Variants in DCAF1 observed in about 807,000 individuals in gnomAD.
The protein encoded by DCAF1 is DDB1 and CUL4 associated factor 1.
A neutral mutation model predicts 128.0 loss-of-function variants in DCAF1; 15 were observed. The observed-to-expected ratio is 0.12, with a 90% CI of 0.08 to 0.18. DCAF1 has a LOEUF of 0.18. DCAF1 is among the 10% of genes least tolerant of loss of function. The probability of loss-of-function intolerance (pLI) is 1.00; values close to 1 mark genes in which losing one functional copy is unlikely to be tolerated. For synonymous variants in DCAF1, 610 were observed against 603.0 expected, an observed-to-expected ratio of 1.01 and a Z score of -0.17; for missense variants, 988 against 1,649.5, an observed-to-expected ratio of 0.60 and a Z score of 6.95.
chr3:51,473,425 CTTTTTTT>C (rs782196520), intron 3 of DCAF1, among the ~76,000 whole-genome samples: 1 of 74,184 alleles, frequency 1.3e-5, no homozygotes, highest in Non-Finnish European at 2.5e-5. Context: ...ACTTTCTAGT[CTTTTTTT>C]TTTTTTTTTT....
intron 2 of DCAF1, among the ~76,000 whole-genome samples, chr3:51,490,724 A>T (rs148246194): frequency 3.9e-5 from 6 of 152,132 alleles, no homozygotes; most frequent in African/African-American, 1.4e-4. Flanking sequence ...CAAGAGTTCA[A>T]CACCAGCCTG....
Position 51,464,064 on chromosome 3 carries a change from G to A in DCAF1, c.262-837C>T, listed in dbSNP as rs560188048. 2.2e-4 allele frequency among the ~76,000 whole-genome samples: 33 copies of A among 151,710 alleles called. 2 individuals are homozygous for A. In the South Asian group the frequency reaches 6.1e-3, roughly 28 times the overall value. On this transcript the variant is annotated intron_variant, in intron 5 of 24. Coordinates refer to ENST00000684031, the MANE Select transcript of DCAF1 (RefSeq NM_001387579.1). The stretch of plus-strand genomic sequence containing the variant: ...GAGACGGGGCCTCATTATGTTGCCC[G>A]AGCTAGCCTCTAACTCCTGGCCTCA...
intron 4 of DCAF1, among the ~76,000 whole-genome samples, chr3:51,469,223 T>TA (rs1553647524): frequency 7.3e-6 from 1 of 136,932 alleles, no homozygotes; most frequent in Non-Finnish European, 1.5e-5. Flanking sequence ...ACACACAAAT[T>TA]TTTTTTTTTT....
intron 2 of DCAF1, among the ~76,000 whole-genome samples, chr3:51,486,821 A>G (rs1470313455): frequency 3.3e-5 from 5 of 151,888 alleles, no homozygotes; most frequent in African/African-American, 1.2e-4. Flanking sequence ...TTTAGTAGAG[A>G]TAGAGTTTCA....
At chr3:51,475,672 T>A (rs1705347408) in intron 3 of DCAF1, among the ~76,000 whole-genome samples, 3 of 152,148 alleles carry the variant, frequency 2.0e-5, no homozygotes, top group African/African-American at 7.2e-5. Context: ...CCATCCTGGC[T>A]AACACGGCGA....
chr3:51,498,049 CAAAAAAAAAAAAAAA>C (rs56734063), intron 1 of DCAF1, among the ~76,000 whole-genome samples: 253 of 20,822 alleles, frequency 0.012, 1 homozygote, highest in Middle Eastern at 0.056. Flanking sequence ...GACTCTGTCT[CAAAAAAAAAAAAAAA>C]AAAAAAAAAA....
intron 17 of DCAF1, among the ~76,000 whole-genome samples, chr3:51,417,337 T>C (rs1698968833): frequency 6.6e-6 from 1 of 152,164 alleles, no homozygotes; most frequent in Non-Finnish European, 1.5e-5. Flanking sequence ...GAGGATCACT[T>C]GAGCCTGGGA....
chr3:51,436,227 G>T (rs572532018), intron 9 of DCAF1, among the ~76,000 whole-genome samples: 53 of 152,270 alleles, frequency 3.5e-4, no homozygotes, highest in African/African-American at 1.0e-3. Context: ...ACATGAGAGG[G>T]GTAAGAACAC....
intron 3 of DCAF1, among the ~76,000 whole-genome samples, chr3:51,481,095 T>C (rs782731497): frequency 6.6e-6 from 1 of 152,160 alleles, no homozygotes; most frequent in South Asian, 2.1e-4. Flanking sequence ...ATCCCCAATA[T>C]CATAGCTGTG....
At chr3:51,437,690 C>CT in intron 9 of DCAF1, among the ~76,000 whole-genome samples, 1 of 152,028 alleles carries the variant, frequency 6.6e-6, no homozygotes, top group Non-Finnish European at 1.5e-5. Flanking sequence ...TGGTGCGCAC[C>CT]TGCAGTCCAA....
chr3:51,423,270 T>C (rs535122376), intron 13 of DCAF1, among the ~76,000 whole-genome samples: 67 of 151,968 alleles, frequency 4.4e-4, no homozygotes, highest in Middle Eastern at 3.4e-3. Flanking sequence ...GGCGGGCAGA[T>C]TGCCTGAGCT....
At chr3:51,451,575 A>C (rs1458554658) in intron 6 of DCAF1, among the ~76,000 whole-genome samples, 1 of 152,192 alleles carries the variant, frequency 6.6e-6, no homozygotes, top group East Asian at 1.9e-4. Context: ...AGCCTGGCTA[A>C]CATGGTGAAA....
intron 23 of DCAF1, among the ~76,000 whole-genome samples, chr3:51,403,792 T>G (rs2089911029): frequency 1.3e-5 from 2 of 152,196 alleles, no homozygotes; most frequent in Non-Finnish European, 1.5e-5. Context: ...ATGCAATGCT[T>G]TAACAAAATG....
intron 2 of DCAF1, among the ~76,000 whole-genome samples, chr3:51,489,392 G>A (rs1400413396): frequency 6.6e-6 from 1 of 152,076 alleles, no homozygotes; most frequent in Non-Finnish European, 1.5e-5. Flanking sequence ...ACAAGATTGT[G>A]CCACTGCAGT....
At chr3:51,424,623 A>G (rs1219820124) in intron 13 of DCAF1, among the ~76,000 whole-genome samples, 3 of 152,188 alleles carry the variant, frequency 2.0e-5, no homozygotes. Context: ...AAAACCAAAC[A>G]AAAACACTAA....
At chr3:51,500,589 G>T (rs1553663920), upstream of DCAF1, among the ~76,000 whole-genome samples, 1 of 152,092 alleles carries the variant, frequency 6.6e-6, no homozygotes, top group East Asian at 1.9e-4. Context: ...TGCCCAGGCT[G>T]GAGTGCAGTG....
At chr3:51,443,703 G>C (rs782609445) in intron 7 of DCAF1, 63 bp downstream of exon 7, 26 of 1,429,164 alleles carry the variant, frequency 1.8e-5, no homozygotes, top group Non-Finnish European at 2.4e-5. Context: ...TCAGATTCAA[G>C]TAACAAGAAC....
chr3:51,438,721 C>T (rs2107655408), intron 9 of DCAF1, among the ~76,000 whole-genome samples: 3 of 152,332 alleles, frequency 2.0e-5, no homozygotes. Flanking sequence ...AAGCGATTAT[C>T]CTGCCTCAGC....
intron 6 of DCAF1, among the ~76,000 whole-genome samples, chr3:51,456,026 G>C (rs1353588184): frequency 6.6e-6 from 1 of 152,212 alleles, no homozygotes; most frequent in Non-Finnish European, 1.5e-5. Flanking sequence ...GAGCTACCGG[G>C]TTCATCTCAC....
Sources: allele counts gnomAD v4.1 joint callset (sites outside exome capture counted in the v4.1 genomes callset), GRCh38; gene constraint gnomAD v4.1.1; transcripts MANE v1.5; gene names NCBI Gene and HGNC (gene_info 2026-07-23, HGNC 2026-07-21).